VEPH1: variants seen among roughly 807,000 people sequenced by gnomAD.
VEPH1 encodes ventricular zone-expressed PH domain-containing protein homolog 1.
VEPH1 carries 80 observed loss-of-function variants against 85.2 expected under a neutral mutation model. The ratio of observed to expected loss-of-function variants is 0.94; its 90% CI spans 0.78 to 1.13. VEPH1 has a LOEUF of 1.13. Ranked by LOEUF, VEPH1 falls within the 50% of genes most tolerant of loss-of-function variation. The pLI, the probability that VEPH1 is intolerant of heterozygous loss-of-function variation, is 0.00. For missense variants in VEPH1, 955 were observed against 980.5 expected, an observed-to-expected ratio of 0.97 and a Z score of 0.35; for synonymous variants, 297 against 348.0, an observed-to-expected ratio of 0.85 and a Z score of 1.63.
chr3:157,325,314 C>A (rs774115062), intron 9 of VEPH1, among the ~76,000 whole-genome samples: 1 of 151,998 alleles, frequency 6.6e-6, no homozygotes, highest in African/African-American at 2.4e-5. Flanking sequence ...ATGATAGTTT[C>A]TTTTACTGTG....
At chr3:157,303,027 G>A (rs552559899) in intron 11 of VEPH1, among the ~76,000 whole-genome samples, 3 of 152,292 alleles carry the variant, frequency 2.0e-5, no homozygotes, top group East Asian at 1.9e-4. Context: ...TATGTATATA[G>A]TTTAAAGGTA....
At chr3:157,409,828 C>A (rs1466652793) in intron 6 of VEPH1, 9 of 985,218 alleles carry the variant, frequency 9.1e-6, no homozygotes, top group Non-Finnish European at 8.4e-6. Flanking sequence ...GCCGTCTCTA[C>A]CCCCATGGCC....
chr3:157,306,836 C>T (rs1719562824), intron 11 of VEPH1, among the ~76,000 whole-genome samples: 2 of 151,954 alleles, frequency 1.3e-5, no homozygotes, highest in South Asian at 2.1e-4. Flanking sequence ...GTACACTGTA[C>T]CCAATATGTA....
chr3:157,285,987 G>A (rs1176864508), intron 12 of VEPH1, among the ~76,000 whole-genome samples: 3 of 152,188 alleles, frequency 2.0e-5, no homozygotes, highest in African/African-American at 7.2e-5. Context: ...GTTTAGCACA[G>A]GGCATGACTT....
chr3:157,375,297 C>T (rs1372141325), intron 7 of VEPH1, among the ~76,000 whole-genome samples: 4 of 152,160 alleles, frequency 2.6e-5, no homozygotes, highest in African/African-American at 9.7e-5. Context: ...GTGTTGTGGA[C>T]TCAGTGAAGA....
At chr3:157,350,203 G>T (rs997534087) in intron 9 of VEPH1, among the ~76,000 whole-genome samples, 1 of 152,134 alleles carries the variant, frequency 6.6e-6, no homozygotes, top group Non-Finnish European at 1.5e-5. Context: ...AGAGAACCTA[G>T]AAATTAATCC....
chr3:157,357,596 G>T (rs1725585896), intron 9 of VEPH1, among the ~76,000 whole-genome samples: 1 of 151,784 alleles, frequency 6.6e-6, no homozygotes, highest in Non-Finnish European at 1.5e-5. Flanking sequence ...AGGTTCAAGC[G>T]ATTCTCCTGC....
intron 7 of VEPH1, among the ~76,000 whole-genome samples, chr3:157,378,346 A>G (rs1345632197): frequency 2.9e-5 from 2 of 70,046 alleles, no homozygotes; most frequent in Non-Finnish European, 6.0e-5. Context: ...ATATATATAT[A>G]TATATATATA....
chr3:157,313,469 C>T (rs145320902), intron 11 of VEPH1, 152 bp downstream of exon 11: 28 of 973,280 alleles, frequency 2.9e-5, no homozygotes, highest in East Asian at 5.3e-5. Flanking sequence ...TACTATACCA[C>T]GTGAAAATAA....
At chr3:157,436,765 T>G (rs996962325) in intron 4 of VEPH1, 9 of 418,884 alleles carry the variant, frequency 2.1e-5, no homozygotes, top group Non-Finnish European at 7.9e-6. Flanking sequence ...GGAACTCCCG[T>G]TACCGCAGTG....
chr3:157,274,601 G>A (rs1417145147), intron 12 of VEPH1, among the ~76,000 whole-genome samples: 5 of 152,100 alleles, frequency 3.3e-5, no homozygotes, highest in African/African-American at 9.7e-5. Flanking sequence ...GGGCTCAAGC[G>A]ATTCTCCTGC....
chr3:157,389,883 G>GA (rs1729693741), intron 6 of VEPH1, among the ~76,000 whole-genome samples: 1 of 152,150 alleles, frequency 6.6e-6, no homozygotes, highest in Non-Finnish European at 1.5e-5. Flanking sequence ...TAGGTCTTCA[G>GA]CATATTTTCC....
At chr3:157,333,667 G>T (rs1006860697) in intron 9 of VEPH1, among the ~76,000 whole-genome samples, 1 of 152,180 alleles carries the variant, frequency 6.6e-6, no homozygotes, top group Admixed American at 6.5e-5. Flanking sequence ...TCCAAGCACA[G>T]ATTTATCAAA....
chr3:157,477,827 A>T (rs1418793613), intron 2 of VEPH1, among the ~76,000 whole-genome samples: 1 of 152,192 alleles, frequency 6.6e-6, no homozygotes, highest in Non-Finnish European at 1.5e-5. Flanking sequence ...GGGCCCGAAG[A>T]ATGGCACCAT....
intron 4 of VEPH1, among the ~76,000 whole-genome samples, chr3:157,450,048 C>CTTTTTTTTTTTTTTTTTTTTTTTT (rs761761440): frequency 1.3e-5 from 1 of 77,324 alleles, no homozygotes; most frequent in African/African-American, 4.8e-5. Context: ...AGAATATTTA[C>CTTTTTTTTTTTTTTTTTTTTTTTT]TTTTTTTTTT....
intron 9 of VEPH1, among the ~76,000 whole-genome samples, chr3:157,340,073 C>T (rs1337571746): frequency 4.6e-5 from 7 of 152,202 alleles, no homozygotes; most frequent in Non-Finnish European, 7.3e-5. Context: ...GGAACAGCTC[C>T]AGTCTACAGC....
intron 6 of VEPH1, among the ~76,000 whole-genome samples, chr3:157,394,931 C>G (rs1408478647): frequency 6.6e-6 from 1 of 152,054 alleles, no homozygotes; most frequent in East Asian, 1.9e-4. Flanking sequence ...TGATTCAGAG[C>G]ATATACAGCC....
chr3:157,313,800 C>T (rs776264475), intron 10 of VEPH1, 45 bp from the exon 11 acceptor site: 2 of 1,604,638 alleles, frequency 1.2e-6, no homozygotes, highest in South Asian at 2.2e-5. Flanking sequence ...TATGTCTTGT[C>T]CCAATAGTAT....
chr3:157,394,525 T>C lies in VEPH1; in HGVS notation c.907-13149A>G, dbSNP rs1730184078. 2.6e-5 allele frequency among the ~76,000 whole-genome samples: 4 copies of C among 152,258 alleles called. No homozygotes were observed. The South Asian group carries it at 6.2e-4, about 24-fold the overall frequency. ...ATAAAGAATACTCGAGACTGGGTAA[T>C]TTATAAGAGGTTTAATTGGTTCATG... On this transcript the variant is annotated intron_variant, in intron 6 of 13. Transcript: ENST00000362010.
Sources: gnomAD v4.1 joint callset for allele counts (sites outside exome capture counted in the v4.1 genomes callset) on GRCh38, gnomAD v4.1.1 for gene constraint, MANE v1.5 for transcripts, NCBI Gene and HGNC (gene_info 2026-07-23, HGNC 2026-07-21) for gene names.